Variants in TET1 observed in about 807,000 individuals in gnomAD.
TET1 encodes tet methylcytosine dioxygenase 1, also known as methylcytosine dioxygenase TET1.
TET1 carries 13 observed loss-of-function variants against 148.7 expected under a neutral mutation model. That is an observed-to-expected ratio of 0.09 (90% CI 0.06 to 0.14). TET1 has a LOEUF of 0.14. Ranked by LOEUF, TET1 falls within the 10% of genes least tolerant of loss-of-function variation. TET1 has a pLI of 1.00. For missense variants in TET1, 2,182 were observed against 2,553.8 expected (o/e 0.85, Z 3.14); for synonymous variants, 907 against 937.2 (o/e 0.97, Z 0.59).
intron 2 of TET1, among the ~76,000 whole-genome samples, chr10:68,584,684 G>A (rs894201319): frequency 2.0e-5 from 3 of 150,914 alleles, no homozygotes; most frequent in African/African-American, 4.9e-5. Context: ...ACTCCAGCCC[G>A]GGTGACAGAG....
chr10:68,564,475 C>A (rs754999751), intron 1 of TET1, among the ~76,000 whole-genome samples: 1 of 152,002 alleles, frequency 6.6e-6, no homozygotes, highest in African/African-American at 2.4e-5. Context: ...TTGTTTAGGG[C>A]GTCTTGGTGC....
Position 68,667,067 on chromosome 10 carries a change from A to C in TET1, c.4484A>C (p.Glu1495Ala). 2.5e-6 allele frequency: 4 copies of C among 1,613,950 alleles called. No individual in the cohort carries two copies. Among genetic ancestry groups the C allele is most frequent in the Non-Finnish European group, 3.4e-6 (4 of 1,179,926 alleles). The part of the protein sequence containing the change: ...AKWVLRRSSD[E>A]EKVLCLVRQR... Reference sequence around the variant, plus strand: ...CAGGTTTTAAGAAGAAGCAGTGATGAAGAAAAAGTTCTTTGTTTGGTCCGG... The same window carrying C: ...CAGGTTTTAAGAAGAAGCAGTGATGCAGAAAAAGTTCTTTGTTTGGTCCGG... Residue 1495 changes from glutamate (E) to alanine (A), a missense_variant, in exon 7 of 12, where the codon GAA becomes GCA. Glu to Ala is a moderately radical substitution (Grantham distance 107). Transcript: ENST00000373644.
chr10:68,632,190 C>T (rs1490765151), intron 3 of TET1, among the ~76,000 whole-genome samples: 2 of 151,744 alleles, frequency 1.3e-5, no homozygotes, highest in African/African-American at 4.8e-5. Context: ...GGCGTGGTGG[C>T]GGGCGCCTGT....
rs889595551 is a variant in TET1 at position 68,664,669 on chromosome 10, C to CA, written c.4462-2375dup. 1.8e-4 allele frequency among the ~76,000 whole-genome samples: 10 copies of CA among 56,368 alleles called. 1 individual carries two copies. Among genetic ancestry groups the CA allele is most frequent in the African/African-American group, 5.6e-4 (6 of 10,656 alleles). 37.0% of individuals were successfully genotyped at this position (56,368 alleles called of 152,430 possible). ...AGTGCTGGGAGGTGCGCCCAGCCTG[C>CA]ATTTTTTTTTTTTTTTTTTTTTTTA... On this transcript the variant is annotated intron_variant, in intron 6 of 11. Coordinates refer to ENST00000373644, the MANE Select transcript of TET1 (RefSeq NM_030625.3).
chr10:68,690,476 C>T (rs2055574488), intron 11 of TET1, among the ~76,000 whole-genome samples: 2 of 152,114 alleles, frequency 1.3e-5, no homozygotes, highest in African/African-American at 2.4e-5. Context: ...GGCGTGGTGG[C>T]AGGCGCCTGT....
intron 3 of TET1, among the ~76,000 whole-genome samples, chr10:68,643,311 A>G (rs933788523): frequency 6.6e-6 from 1 of 151,392 alleles, no homozygotes; most frequent in Non-Finnish European, 1.5e-5. Flanking sequence ...AAACTATAGC[A>G]GTTACTCTAA....
At chr10:68,670,803 G>A (rs1277074152) in intron 7 of TET1, among the ~76,000 whole-genome samples, 1 of 152,060 alleles carries the variant, frequency 6.6e-6, no homozygotes, top group Non-Finnish European at 1.5e-5. Flanking sequence ...GCAATGCTAA[G>A]TTACGTATCA....
intron 7 of TET1, among the ~76,000 whole-genome samples, chr10:68,669,743 G>A (rs1172675113): frequency 2.0e-5 from 3 of 148,860 alleles, no homozygotes; most frequent in Non-Finnish European, 4.5e-5. Flanking sequence ...TCCGCCTCCT[G>A]GGTTCAAGCA....
At chr10:68,605,671 C>A (rs1357920057) in intron 3 of TET1, among the ~76,000 whole-genome samples, 1 of 152,110 alleles carries the variant, frequency 6.6e-6, no homozygotes, top group East Asian at 1.9e-4. Context: ...TGCCACCACG[C>A]CCAGCTAATT....
At chr10:68,669,474 C>CTTTTTTTTTTTTTT (rs3085667) in intron 7 of TET1, among the ~76,000 whole-genome samples, 14 of 61,600 alleles carry the variant, frequency 2.3e-4, no homozygotes, top group South Asian at 1.1e-3. Flanking sequence ...CCATGCCCAG[C>CTTTTTTTTTTTTTT]TTTTTTTTTT....
chr10:68,609,310 T>C (rs777743517), intron 3 of TET1, among the ~76,000 whole-genome samples: 4 of 152,108 alleles, frequency 2.6e-5, no homozygotes, highest in African/African-American at 9.7e-5. Flanking sequence ...TACAGGCATG[T>C]GCCACCACGC....
intron 8 of TET1, among the ~76,000 whole-genome samples, chr10:68,680,392 G>A (rs921144719): frequency 2.0e-5 from 3 of 152,166 alleles, no homozygotes; most frequent in African/African-American, 7.2e-5. Context: ...CCAGGCCGGA[G>A]TGCAGTGGCT....
At position 68,667,167 on chromosome 10, in the gene TET1, A is replaced by G. The variant is rs1270775104; in HGVS notation, c.4584A>G (p.Pro1528=). 2.5e-6 allele frequency: 4 copies of G among 1,614,148 alleles called. No homozygotes were observed. The highest frequency in any genetic ancestry group is 2.2e-5 in the South Asian group (2 of 91,064). Residue 1528 remains proline, a synonymous_variant, in exon 7 of 12, where the codon CCA becomes CCG. Transcript: ENST00000373644. ...TGGTGTGGGATGGCATCCCTCTTCC[A>G]ATGGCCGACCGGCTATACACAGAGC... The part of the protein sequence containing the change: ...LIMVWDGIPL[P]MADRLYTELT...
intron 3 of TET1, among the ~76,000 whole-genome samples, chr10:68,638,383 CT>C (rs556932766): frequency 3.9e-4 from 60 of 152,258 alleles, no homozygotes; most frequent in African/African-American, 1.4e-3. Context: ...ATAATTTGGT[CT>C]TTCCTCAACA....
intron 7 of TET1, among the ~76,000 whole-genome samples, chr10:68,668,152 T>G (rs2055219425): frequency 6.6e-6 from 1 of 152,242 alleles, no homozygotes; most frequent in African/African-American, 2.4e-5. Flanking sequence ...ATCTATTTTC[T>G]CTCTGATGGT....
Position 68,652,587 on chromosome 10 carries a change from C to G in TET1, c.4454C>G (p.Ala1485Gly). ...EGKSSHGCPI[A>G]KWVLRRSSDE... ...AAAAGCTCTCATGGGTGTCCAATTGCTAAGTGGGTAAGTATTTCCTATTTA... is the reference window on the plus strand; with the variant it reads ...AAAAGCTCTCATGGGTGTCCAATTGGTAAGTGGGTAAGTATTTCCTATTTA... Residue 1485 changes from alanine (A) to glycine (G), a missense_variant, in exon 6 of 12, where the codon GCT becomes GGT. Transcript: ENST00000373644. The G allele has an allele frequency of 6.2e-7, 1 of 1,606,938 alleles. No homozygotes were observed. Among genetic ancestry groups the G allele is most frequent in the Non-Finnish European group, 8.5e-7 (1 of 1,175,318 alleles).
intron 5 of TET1, 124 bp downstream of exon 5, chr10:68,652,060 T>C: frequency 1.1e-6 from 1 of 880,662 alleles, no homozygotes; most frequent in Non-Finnish European, 1.7e-6. Flanking sequence ...TGGATGTTTC[T>C]TAGGGCCCAA....
At position 68,662,395 on chromosome 10, in the gene TET1, A is replaced by G. The variant is rs116033672; in HGVS notation, c.4462-4650A>G. Among the ~76,000 whole-genome samples, 736 of 152,316 alleles carry G rather than the reference A, an allele frequency of 4.8e-3. 4 individuals are homozygous for G. Among genetic ancestry groups the G allele is most frequent in the African/African-American group, 0.017 (701 of 41,588 alleles). On this transcript the variant is annotated intron_variant, in intron 6 of 11. Coordinates refer to ENST00000373644, the MANE Select transcript of TET1 (RefSeq NM_030625.3). ...TTGTACATCTAAGGTGAAAGTTGACATCATGATTCAATTTGCATTGTAACT... is the reference window on the plus strand; with the variant it reads ...TTGTACATCTAAGGTGAAAGTTGACGTCATGATTCAATTTGCATTGTAACT...
intron 3 of TET1, among the ~76,000 whole-genome samples, chr10:68,606,880 C>T (rs2054132560): frequency 2.0e-5 from 3 of 152,170 alleles, no homozygotes; most frequent in South Asian, 4.1e-4. Flanking sequence ...AGGACGTGTG[C>T]TCACCCATCA....
Sources: allele counts gnomAD v4.1 joint callset (sites outside exome capture counted in the v4.1 genomes callset), GRCh38; gene constraint gnomAD v4.1.1; transcripts MANE v1.5; gene names NCBI Gene and HGNC (gene_info 2026-07-23, HGNC 2026-07-21).